NFYC: variants seen among roughly 807,000 people sequenced by gnomAD.
NFYC encodes the protein CAAT box DNA-binding protein subunit C.
A neutral mutation model predicts 53.1 loss-of-function variants in NFYC; 25 were observed. The observed-to-expected ratio is 0.47, with a 90% CI of 0.34 to 0.66. NFYC has a LOEUF of 0.66. Ranked by LOEUF, NFYC falls within the 30% of genes least tolerant of loss-of-function variation. The probability of loss-of-function intolerance (pLI) is 0.01; values close to 1 mark genes in which losing one functional copy is unlikely to be tolerated. For synonymous variants in NFYC, 145 were observed against 152.6 expected, an observed-to-expected ratio of 0.95 and a Z score of 0.37; for missense variants, 260 against 422.7, an observed-to-expected ratio of 0.62 and a Z score of 3.38.
chr1:40,698,679 C>T (rs889485651), intron 1 of NFYC, among the ~76,000 whole-genome samples: 3 of 152,072 alleles, frequency 2.0e-5, no homozygotes, highest in African/African-American at 7.2e-5. Flanking sequence ...CTGCCTGCCT[C>T]AGCCTCCACT....
At chr1:40,717,692 T>C (rs771087284) in intron 1 of NFYC, among the ~76,000 whole-genome samples, 4 of 152,262 alleles carry the variant, frequency 2.6e-5, no homozygotes, top group Non-Finnish European at 5.9e-5. Context: ...GATTAGTACA[T>C]ATACCATATC....
intron 6 of NFYC, chr1:40,758,521 A>T (rs1275728134): frequency 2.2e-6 from 1 of 463,000 alleles, no homozygotes; most frequent in East Asian, 3.6e-5. Context: ...TGTACTAGAC[A>T]GTATGTTCTC....
intron 1 of NFYC, among the ~76,000 whole-genome samples, chr1:40,708,560 TA>T (rs1251268412): frequency 6.6e-6 from 1 of 152,200 alleles, no homozygotes. Context: ...GTTGACTTTC[TA>T]GAAATGCCAC....
chr1:40,696,266 G>T (rs1275736370), intron 1 of NFYC, among the ~76,000 whole-genome samples: 1 of 151,826 alleles, frequency 6.6e-6, no homozygotes, highest in African/African-American at 2.4e-5. Flanking sequence ...CTCGTGATCC[G>T]CCCTCTTCGG....
chr1:40,717,562 A>G (rs1644183560), intron 1 of NFYC, among the ~76,000 whole-genome samples: 1 of 152,200 alleles, frequency 6.6e-6, no homozygotes, highest in Non-Finnish European at 1.5e-5. Flanking sequence ...CATAGGTTAA[A>G]TATTTGAAAA....
chr1:40,756,205 C>T (rs1646210088), intron 5 of NFYC, among the ~76,000 whole-genome samples: 1 of 152,194 alleles, frequency 6.6e-6, no homozygotes, highest in African/African-American at 2.4e-5. Flanking sequence ...TTCTTGGCTG[C>T]AAAAGGTATC....
chr1:40,769,144 G>A, intron 8 of NFYC: 1 of 561,030 alleles, frequency 1.8e-6, no homozygotes, highest in Non-Finnish European at 3.3e-6. Context: ...ATGTGCTCCA[G>A]GATTCTCGAT....
chr1:40,762,128 T>G (rs1646580324), intron 6 of NFYC, among the ~76,000 whole-genome samples: 1 of 152,252 alleles, frequency 6.6e-6, no homozygotes, highest in South Asian at 2.1e-4. Flanking sequence ...ATCTGCCAAG[T>G]CATACACATT....
At chr1:40,761,543 G>A (rs1007413453) in intron 6 of NFYC, among the ~76,000 whole-genome samples, 1 of 152,192 alleles carries the variant, frequency 6.6e-6, no homozygotes, top group Non-Finnish European at 1.5e-5. Flanking sequence ...GTTGAAAATT[G>A]TGGTACAAGA....
chr1:40,703,174 A>T (rs184680889), intron 1 of NFYC, among the ~76,000 whole-genome samples: 2 of 152,172 alleles, frequency 1.3e-5, no homozygotes, highest in African/African-American at 4.8e-5. Flanking sequence ...ATTTGACATT[A>T]AAACAGTCTG....
intron 1 of NFYC, among the ~76,000 whole-genome samples, chr1:40,707,788 G>A (rs955615717): frequency 2.0e-5 from 3 of 150,390 alleles, no homozygotes; most frequent in South Asian, 2.1e-4. Flanking sequence ...GCAGTAAGCC[G>A]AGATCGTGCC....
In NFYC at chr1:40,771,219, G is replaced by A. The variant is rs1387228903; in HGVS notation, c.*391G>A. ...TTTTTAGGAGCAAATCTCCCCAGGG[G>A]TGTACGGTATTTCTTGACTCTGGGA... On this transcript the variant is annotated 3_prime_UTR_variant, in exon 10 of 10. Transcript: ENST00000447388. The A allele has an allele frequency of 9.4e-6, 3 of 319,234 alleles. No individual in the cohort carries two copies. The highest frequency in any genetic ancestry group is 8.4e-5 in the South Asian group (3 of 35,782). The allele number at this position is 319,234 out of a possible 1,614,324, so 19.8% of individuals were successfully genotyped here. A position where few individuals can be genotyped will look rare whatever the true frequency, so the allele number is the denominator to read the frequency against.
At chr1:40,764,888 G>T (rs1557931156) in intron 7 of NFYC, among the ~76,000 whole-genome samples, 1 of 152,192 alleles carries the variant, frequency 6.6e-6, no homozygotes, top group Non-Finnish European at 1.5e-5. Context: ...CTTTGTTGAA[G>T]AGCTGCTTGG....
intron 1 of NFYC, among the ~76,000 whole-genome samples, chr1:40,695,433 T>C (rs981839112): frequency 2.0e-4 from 30 of 152,146 alleles, no homozygotes; most frequent in African/African-American, 6.5e-4. Flanking sequence ...TTGTTTTGTT[T>C]TGTTTTTTGA....
At chr1:40,727,822 C>T (rs1044966568) in intron 1 of NFYC, among the ~76,000 whole-genome samples, 2 of 151,710 alleles carry the variant, frequency 1.3e-5, no homozygotes, top group Non-Finnish European at 2.9e-5. Flanking sequence ...TGAGTCACCG[C>T]GCCCAGCCTG....
At chr1:40,704,876 T>TATGG (rs1643618661) in intron 1 of NFYC, among the ~76,000 whole-genome samples, 4 of 152,336 alleles carry the variant, frequency 2.6e-5, no homozygotes, top group African/African-American at 9.6e-5. Flanking sequence ...GGAGTTGCTT[T>TATGG]CTGCAGGCCT....
chr1:40,693,491 G>T (rs976514792), intron 1 of NFYC, among the ~76,000 whole-genome samples: 3 of 152,174 alleles, frequency 2.0e-5, no homozygotes, highest in Admixed American at 1.3e-4. Flanking sequence ...AACTCCTAGG[G>T]TTTTCAAATT....
intron 7 of NFYC, among the ~76,000 whole-genome samples, chr1:40,765,559 GT>G (rs1646769606): frequency 1.3e-5 from 2 of 152,226 alleles, no homozygotes; most frequent in South Asian, 4.1e-4. Flanking sequence ...ATACTTGCCT[GT>G]TAGCCACAAG....
intron 8 of NFYC, chr1:40,767,087 G>A (rs1646851062): frequency 9.4e-7 from 1 of 1,066,904 alleles, no homozygotes; most frequent in East Asian, 2.6e-5. Context: ...GTGCTCTTTG[G>A]AAAGCTTACT....
Sources: allele counts gnomAD v4.1 joint callset (sites outside exome capture counted in the v4.1 genomes callset), GRCh38; gene constraint gnomAD v4.1.1; transcripts MANE v1.5; gene names NCBI Gene and HGNC (gene_info 2026-07-23, HGNC 2026-07-21).